The following SGCD variants were observed in gnomAD, a reference collection of about 807,000 sequenced individuals.
SGCD encodes the protein sarcoglycan delta.
In SGCD, 18 loss-of-function variants were observed where a neutral mutation model predicts 36.6. The ratio of observed to expected loss-of-function variants is 0.49; its 90% CI spans 0.34 to 0.73. SGCD has a LOEUF of 0.73. Ranked by LOEUF, SGCD falls within the 30% of genes least tolerant of loss-of-function variation. The pLI is 0.01. For synonymous variants in SGCD, 133 were observed against 130.6 expected (o/e 1.02, Z -0.12); for missense variants, 387 against 346.7 (o/e 1.12, Z -0.92).
chr5:155,912,803 C>A (rs2113360034), intron 1 of SGCD, among the ~76,000 whole-genome samples: 1 of 151,886 alleles, frequency 6.6e-6, no homozygotes, highest in South Asian at 2.1e-4. Flanking sequence ...TTCTTTCCAT[C>A]CCAATTCTCT....
At chr5:155,979,116 C>A (rs1374904117) in intron 1 of SGCD, among the ~76,000 whole-genome samples, 2 of 152,184 alleles carry the variant, frequency 1.3e-5, no homozygotes, top group Non-Finnish European at 2.9e-5. Flanking sequence ...TGATTCCAGA[C>A]TCTCCCAGGA....
At chr5:155,746,706 A>T in the SGCD span, among the ~76,000 whole-genome samples, 5 of 151,726 alleles carry the variant, frequency 3.3e-5, no homozygotes, top group Admixed American at 2.0e-4. Flanking sequence ...CCCCTTGATG[A>T]TGTGTATTTG....
At chr5:156,608,618 T>C (rs1191588374) in intron 6 of SGCD, among the ~76,000 whole-genome samples, 2 of 152,204 alleles carry the variant, frequency 1.3e-5, no homozygotes, top group Non-Finnish European at 2.9e-5. Flanking sequence ...TCTGTCTCAT[T>C]GATCTGTCTA....
At chr5:156,481,183 A>G (rs1420415701) in intron 3 of SGCD, among the ~76,000 whole-genome samples, 1 of 152,212 alleles carries the variant, frequency 6.6e-6, no homozygotes, top group Non-Finnish European at 1.5e-5. Context: ...CTCACCTAGA[A>G]TATTGGTATG....
At chr5:156,740,138 A>G (rs964772948) in intron 7 of SGCD, among the ~76,000 whole-genome samples, 1 of 152,196 alleles carries the variant, frequency 6.6e-6, no homozygotes, top group Admixed American at 6.5e-5. Flanking sequence ...AACTAATTGG[A>G]CCATGGAGTT....
chr5:156,494,383 A>ACTT (rs1030769321), intron 3 of SGCD, among the ~76,000 whole-genome samples: 4 of 150,180 alleles, frequency 2.7e-5, no homozygotes, highest in Non-Finnish European at 4.4e-5. Flanking sequence ...TATGGTTTGA[A>ACTT]CTTTTGGATT....
intron 7 of SGCD, among the ~76,000 whole-genome samples, chr5:156,707,795 G>A (rs157343): frequency 0.92 from 139,788 of 152,198 alleles, 64,367 homozygotes; most frequent in East Asian, 0.99. Flanking sequence ...GTGTACCTGA[G>A]AAAGCACTTG....
intron 1 of SGCD, among the ~76,000 whole-genome samples, chr5:156,030,487 G>A (rs1179058376): frequency 6.6e-6 from 1 of 152,216 alleles, no homozygotes. Context: ...AGAGAAAGGT[G>A]AGGCCCTGCT....
chr5:155,791,536 G>A, the SGCD span, among the ~76,000 whole-genome samples: 1 of 152,036 alleles, frequency 6.6e-6, no homozygotes, highest in African/African-American at 2.4e-5. Flanking sequence ...AAGTCTCCTG[G>A]AACTGATACA....
chr5:156,227,189 G>T (rs1183419468), intron 3 of SGCD, among the ~76,000 whole-genome samples: 1 of 152,086 alleles, frequency 6.6e-6, no homozygotes, highest in Non-Finnish European at 1.5e-5. Flanking sequence ...ATCTCTAGAA[G>T]GGTTTTTCCA....
At chr5:156,154,560 T>C (rs564784434) in intron 3 of SGCD, among the ~76,000 whole-genome samples, 5 of 151,756 alleles carry the variant, frequency 3.3e-5, no homozygotes, top group Admixed American at 2.0e-4. Context: ...GTAATAGCAA[T>C]GGTAATAGCC....
intron 3 of SGCD, among the ~76,000 whole-genome samples, chr5:156,149,405 C>T (rs977458751): frequency 5.9e-5 from 9 of 152,184 alleles, no homozygotes; most frequent in African/African-American, 1.2e-4. Flanking sequence ...CTCTGATAAG[C>T]AGACTGAATC....
intron 4 of SGCD, among the ~76,000 whole-genome samples, chr5:156,567,455 C>A (rs1759541793): frequency 6.6e-6 from 1 of 152,020 alleles, no homozygotes; most frequent in Admixed American, 6.6e-5. Flanking sequence ...ATTATGGAGG[C>A]TGGCAAGTTC....
chr5:156,188,850 C>G (rs1763825828), intron 3 of SGCD, among the ~76,000 whole-genome samples: 1 of 152,168 alleles, frequency 6.6e-6, no homozygotes, highest in South Asian at 2.1e-4. Context: ...AAATTAATCT[C>G]TGATCCATTC....
At chr5:156,505,162 C>T (rs910977156) in intron 3 of SGCD, among the ~76,000 whole-genome samples, 5 of 152,310 alleles carry the variant, frequency 3.3e-5, no homozygotes, top group African/African-American at 9.6e-5. Context: ...TTTGGACATC[C>T]GCATTGCCGT....
intron 3 of SGCD, among the ~76,000 whole-genome samples, chr5:156,278,025 A>T (rs1188185732): frequency 6.6e-6 from 1 of 152,180 alleles, no homozygotes; most frequent in Non-Finnish European, 1.5e-5. Flanking sequence ...AAAAGAAAAA[A>T]GGGGAGGGAG....
intron 6 of SGCD, among the ~76,000 whole-genome samples, chr5:156,610,983 C>T (rs369524424): frequency 2.2e-4 from 34 of 152,364 alleles, no homozygotes; most frequent in Admixed American, 4.6e-4. Context: ...TGACCCCTTG[C>T]GCTTCCCAGG....
the SGCD span, among the ~76,000 whole-genome samples, chr5:155,785,755 A>G: frequency 6.6e-6 from 1 of 152,222 alleles, no homozygotes; most frequent in Non-Finnish European, 1.5e-5. Context: ...CTTTGTCACC[A>G]GTCTCTTTAA....
chr5:156,084,327 G>A (rs551074986), intron 1 of SGCD, among the ~76,000 whole-genome samples: 1 of 152,196 alleles, frequency 6.6e-6, no homozygotes, highest in East Asian at 1.9e-4. Context: ...TAAAGTTTAT[G>A]CCACAGTATT....
Sources: allele counts gnomAD v4.1 joint callset (sites outside exome capture counted in the v4.1 genomes callset), GRCh38; gene constraint gnomAD v4.1.1; transcripts MANE v1.5; gene names NCBI Gene and HGNC (gene_info 2026-07-23, HGNC 2026-07-21).